The following DIAPH3 variants were observed in gnomAD, a reference collection of about 807,000 sequenced individuals.
DIAPH3 encodes the protein protein diaphanous homolog 3.
A neutral mutation model predicts 144.3 loss-of-function variants in DIAPH3; 117 were observed. The observed-to-expected ratio is 0.81, with a 90% CI of 0.70 to 0.95. The LOEUF (loss-of-function observed/expected upper bound fraction) is 0.95. Among genes scored for constraint, DIAPH3 ranks in the 40% least tolerant of loss-of-function variants. The pLI is 0.00. For missense variants in DIAPH3, 1,421 were observed against 1,412.7 expected, an observed-to-expected ratio of 1.01 and a Z score of -0.09; for synonymous variants, 519 against 488.9, an observed-to-expected ratio of 1.06 and a Z score of -0.81.
At chr13:59,732,373 A>AGC (rs543589154) in intron 27 of DIAPH3, among the ~76,000 whole-genome samples, 292 of 151,656 alleles carry the variant, frequency 1.9e-3, no homozygotes, top group African/African-American at 6.6e-3. Context: ...AAAACAATTA[A>AGC]ATATGCTTAA....
At chr13:59,876,862 C>T (rs2044663345) in intron 21 of DIAPH3, among the ~76,000 whole-genome samples, 1 of 152,102 alleles carries the variant, frequency 6.6e-6, no homozygotes, top group African/African-American at 2.4e-5. Flanking sequence ...TGCCCCTCAC[C>T]CTGTTTTTCT....
chr13:60,122,837 A>G (rs1379287254), intron 2 of DIAPH3, among the ~76,000 whole-genome samples: 2 of 152,022 alleles, frequency 1.3e-5, no homozygotes, highest in Non-Finnish European at 2.9e-5. Context: ...AGGAGCACAC[A>G]TATCATTGAA....
chr13:59,970,079 G>C (rs539623477), intron 16 of DIAPH3, 21 bp from the exon 17 acceptor site: 9 of 1,437,156 alleles, frequency 6.3e-6, no homozygotes, highest in Non-Finnish European at 8.7e-6. Flanking sequence ...AGAGAAGACT[G>C]ATTCATCAAT....
intron 27 of DIAPH3, among the ~76,000 whole-genome samples, chr13:59,671,176 C>G (rs2032353780): frequency 6.6e-6 from 1 of 152,142 alleles, no homozygotes; most frequent in African/African-American, 2.4e-5. Context: ...ACAGAGTGAT[C>G]CCACAACCTT....
At chr13:59,822,640 C>T (rs898149919) in intron 24 of DIAPH3, among the ~76,000 whole-genome samples, 1 of 151,968 alleles carries the variant, frequency 6.6e-6, no homozygotes, top group Non-Finnish European at 1.5e-5. Flanking sequence ...GGCAGGGTTT[C>T]ACCATGTTGT....
chr13:59,952,775 A>C (rs1033429159), intron 17 of DIAPH3, among the ~76,000 whole-genome samples: 1 of 152,168 alleles, frequency 6.6e-6, no homozygotes, highest in Non-Finnish European at 1.5e-5. Context: ...CATTTGCTTA[A>C]AATGAAAAAA....
intron 17 of DIAPH3, among the ~76,000 whole-genome samples, chr13:59,932,839 T>C (rs180919099): frequency 5.6e-4 from 85 of 152,216 alleles, no homozygotes; most frequent in South Asian, 1.9e-3. Flanking sequence ...CAACAGAAAT[T>C]TTAAAACCAA....
chr13:59,831,286 G>A (rs185630335), intron 24 of DIAPH3, among the ~76,000 whole-genome samples: 4 of 151,836 alleles, frequency 2.6e-5, no homozygotes, highest in Non-Finnish European at 4.4e-5. Flanking sequence ...ATAATTTGCC[G>A]GAAGGGCTCA....
chr13:59,770,971 G>C (rs1300281110), intron 27 of DIAPH3, among the ~76,000 whole-genome samples: 1 of 152,144 alleles, frequency 6.6e-6, no homozygotes, highest in East Asian at 1.9e-4. Flanking sequence ...TGTAACCAAA[G>C]TGTTTTTGGT....
intron 27 of DIAPH3, among the ~76,000 whole-genome samples, chr13:59,680,609 C>T (rs1353057297): frequency 2.0e-5 from 3 of 150,934 alleles, no homozygotes; most frequent in Non-Finnish European, 4.4e-5. Flanking sequence ...CAGCTATAAG[C>T]TATAGCCACT....
At chr13:59,876,289 T>C (rs2044624726) in intron 21 of DIAPH3, among the ~76,000 whole-genome samples, 2 of 152,162 alleles carry the variant, frequency 1.3e-5, no homozygotes, top group Non-Finnish European at 2.9e-5. Flanking sequence ...CAACTTGACA[T>C]GTAGGCTAAT....
chr13:59,778,392 T>C (rs1432460099), intron 25 of DIAPH3, among the ~76,000 whole-genome samples: 1 of 152,238 alleles, frequency 6.6e-6, no homozygotes, highest in Non-Finnish European at 1.5e-5. Flanking sequence ...CCTGGCAAAA[T>C]GCGACTATTA....
At chr13:59,765,912 C>T (rs2037839062) in intron 27 of DIAPH3, among the ~76,000 whole-genome samples, 1 of 152,134 alleles carries the variant, frequency 6.6e-6, no homozygotes, top group Non-Finnish European at 1.5e-5. Context: ...ATGCAGTTGG[C>T]ACATGCCTGG....
Position 60,031,732 on chromosome 13 carries a change from C to CTTTTTTTT in DIAPH3, c.626+10950_626+10957dup, listed in dbSNP as rs1165739891. Among the ~76,000 whole-genome samples, 77 of 64,680 alleles carry CTTTTTTTT rather than the reference C, an allele frequency of 1.2e-3. 14 individuals carry two copies. Among genetic ancestry groups the CTTTTTTTT allele is most frequent in the African/African-American group, 3.5e-3 (53 of 15,164 alleles). The allele number at this position is 64,680 out of a possible 152,430, so 42.4% of individuals were successfully genotyped here. ...AAACCCAGTAGGGCAGTCATTAAAT[C>CTTTTTTTT]TTTTTTTTTTTTTTTTTTTTTTTTT... On this transcript the variant is annotated intron_variant, in intron 5 of 27. Transcript: ENST00000400324.
chr13:60,057,774 T>A (rs919685060), intron 4 of DIAPH3, among the ~76,000 whole-genome samples: 1 of 151,704 alleles, frequency 6.6e-6, no homozygotes. Context: ...CAACAAAGCA[T>A]ACAAAAACAT....
At chr13:60,038,132 A>G (rs1192935483) in intron 5 of DIAPH3, among the ~76,000 whole-genome samples, 1 of 152,088 alleles carries the variant, frequency 6.6e-6, no homozygotes, top group Admixed American at 6.5e-5. Context: ...AGGGGTGTTT[A>G]GGAATGAATG....
chr13:59,791,127 A>G (rs979511664), intron 25 of DIAPH3, among the ~76,000 whole-genome samples: 2 of 152,074 alleles, frequency 1.3e-5, no homozygotes, highest in Non-Finnish European at 2.9e-5. Flanking sequence ...ACCATGCCCA[A>G]GTAATTAAAA....
chr13:59,697,190 T>C (rs1256714617), intron 27 of DIAPH3, among the ~76,000 whole-genome samples: 1 of 151,764 alleles, frequency 6.6e-6, no homozygotes, highest in Non-Finnish European at 1.5e-5. Context: ...CCGGGCGCGG[T>C]GGCTCACTCC....
chr13:60,128,252 A>G (rs2059040378), intron 2 of DIAPH3, among the ~76,000 whole-genome samples: 1 of 152,074 alleles, frequency 6.6e-6, no homozygotes, highest in African/African-American at 2.4e-5. Flanking sequence ...GTTCTTTTTT[A>G]TGGCTGCATA....
Sources: gnomAD v4.1 joint callset for allele counts (sites outside exome capture counted in the v4.1 genomes callset) on GRCh38, gnomAD v4.1.1 for gene constraint, MANE v1.5 for transcripts, NCBI Gene and HGNC (gene_info 2026-07-23, HGNC 2026-07-21) for gene names.